PACS2: variants seen among roughly 807,000 people sequenced by gnomAD.
PACS2 encodes phosphofurin acidic cluster sorting protein 2, also known as PACS1-like protein.
PACS2 carries 36 observed loss-of-function variants against 113.0 expected under a neutral mutation model. That is an observed-to-expected ratio of 0.32 (90% CI 0.24 to 0.42). The LOEUF (loss-of-function observed/expected upper bound fraction) is 0.42. Ranked by LOEUF, PACS2 falls within the 10% of genes least tolerant of loss-of-function variation. The probability of loss-of-function intolerance (pLI) is 1.00; values close to 1 mark genes in which losing one functional copy is unlikely to be tolerated. For missense variants in PACS2, 1,015 were observed against 1,239.5 expected, an observed-to-expected ratio of 0.82 and a Z score of 2.72; for synonymous variants, 589 against 536.1, an observed-to-expected ratio of 1.10 and a Z score of -1.36.
chr14:105,352,188 C>T lies in PACS2; in HGVS notation c.208-190C>T, dbSNP rs587704490. 5.7e-4 allele frequency among the ~76,000 whole-genome samples: 87 copies of T among 152,230 alleles called. 2 individuals carry two copies. In the South Asian group the frequency reaches 0.017, roughly 29 times the overall value. The stretch of plus-strand genomic sequence containing the variant: ...AGGTGGAACCTGTGGGCCGAAGGGT[C>T]TCCATGTTTTTAAGGTTCTTGGGAA... On this transcript the variant is annotated intron_variant, in intron 2 of 24. Coordinates refer to ENST00000447393, the MANE Select transcript of PACS2 (RefSeq NM_001100913.3).
chr14:105,379,067 T>C lies in PACS2; in HGVS notation c.960-672T>C, dbSNP rs933959764. Among the ~76,000 whole-genome samples the C allele has an allele frequency of 4.6e-5, 7 of 151,410 alleles. No individual in the cohort carries two copies. The South Asian group carries it at 6.3e-4, about 14-fold the overall frequency. On this transcript the variant is annotated intron_variant, in intron 9 of 24. Coordinates refer to ENST00000447393, the MANE Select transcript of PACS2 (RefSeq NM_001100913.3). ...AGGGCCTGGGTGGTCCGGAAAGGCA[T>C]GGATGGCCTGGATCTGCCTGAGTGG...
intron 16 of PACS2, 100 bp from the exon 17 acceptor site, chr14:105,384,253 G>A: frequency 3.0e-6 from 2 of 671,426 alleles, no homozygotes; most frequent in Non-Finnish European, 5.2e-6. Context: ...GAAGGCAGCA[G>A]CACAGGCCTG....
intron 1 of PACS2, among the ~76,000 whole-genome samples, chr14:105,337,212 G>A (rs2059561248): frequency 6.6e-6 from 1 of 152,234 alleles, no homozygotes; most frequent in East Asian, 1.9e-4. Context: ...ATTTGTGTCA[G>A]GTCCCTAGAG....
chr14:105,392,823 C>A lies in PACS2; in HGVS notation c.2460C>A (p.Val820=). The change falls in exon 23 of 25, where the codon GTC becomes GTA. Residue 820 remains valine, a synonymous_variant. Coordinates refer to ENST00000447393, the MANE Select transcript of PACS2 (RefSeq NM_001100913.3). Reference sequence around the variant, plus strand: ...CGCCCACCATGTCCATGACCGTGGTCACCAAGGAGAAGAACAAGAAGGGTG... The same window carrying A: ...CGCCCACCATGTCCATGACCGTGGTAACCAAGGAGAAGAACAAGAAGGGTG... ...AATPTMSMTV[V]TKEKNKKVMF... is the part of the protein sequence containing the mutation. 1.2e-6 allele frequency: 2 copies of A among 1,605,236 alleles called. No individual in the cohort carries two copies. The highest frequency in any genetic ancestry group is 1.1e-5 in the South Asian group (1 of 91,020).
intron 1 of PACS2, among the ~76,000 whole-genome samples, chr14:105,346,287 C>G (rs1303482740): frequency 2.0e-5 from 3 of 152,098 alleles, no homozygotes; most frequent in African/African-American, 7.2e-5. Context: ...CGGGTTAGTC[C>G]TGTGCTGCTT....
chr14:105,354,480 C>A lies in PACS2; in HGVS notation c.298-572C>A, dbSNP rs2060353949. Among the ~76,000 whole-genome samples, 1 of 152,138 alleles carries A rather than the reference C, an allele frequency of 6.6e-6. No individual in the cohort carries two copies. Among genetic ancestry groups the A allele is most frequent in the African/African-American group, 2.4e-5 (1 of 41,420 alleles). ...CACCGCAGTTAGGGTGGTGAACAGC[C>A]CCATTTTCCCCTAAGTATTTAAACT... On this transcript the variant is annotated intron_variant, in intron 3 of 24. Transcript: ENST00000447393. This position sits in a 1 kb window ranked among gnomAD's most constrained non-coding sequence, Gnocchi z 4.2.
At chr14:105,345,338 C>T (rs942805041) in intron 1 of PACS2, among the ~76,000 whole-genome samples, 97 of 145,804 alleles carry the variant, frequency 6.7e-4, no homozygotes, top group African/African-American at 1.9e-3. Context: ...ACCCAGGAGG[C>T]GGAGCTTGCA....
intron 8 of PACS2, chr14:105,371,095 C>T (rs902196288): frequency 1.3e-5 from 2 of 152,258 alleles, no homozygotes; most frequent in Non-Finnish European, 1.5e-5. Context: ...CTTTGTGGCC[C>T]GGTGGGGCAG....
Position 105,369,873 on chromosome 14 carries a change from G to T in PACS2, c.774G>T (p.Leu258=). 6.2e-7 allele frequency: 1 copy of T among 1,604,556 alleles called. No individual in the cohort carries two copies. ...QQNFKQKVVA[L]LRRFKVSDEV... is the part of the protein sequence containing the mutation. Reference sequence around the variant, plus strand: ...ACTTCAAGCAGAAAGTGGTAGCGCTGCTGCGGAGGTTCAAAGTGTCCGACG... The same window carrying T: ...ACTTCAAGCAGAAAGTGGTAGCGCTTCTGCGGAGGTTCAAAGTGTCCGACG... The change falls in exon 8 of 25, where the codon CTG becomes CTT. Residue 258 remains leucine (L), a synonymous_variant. Coordinates refer to ENST00000447393, the MANE Select transcript of PACS2 (RefSeq NM_001100913.3).
At chr14:105,349,117 C>T (rs2060054252) in intron 2 of PACS2, among the ~76,000 whole-genome samples, 1 of 151,398 alleles carries the variant, frequency 6.6e-6, no homozygotes, top group Non-Finnish European at 1.5e-5. Context: ...CTGGCCCAGG[C>T]CCCGCCCCCT....
At position 105,376,574 on chromosome 14, in the gene PACS2, C is replaced by T. The variant is rs78792842; in HGVS notation, c.802-194C>T. On this transcript the variant is annotated intron_variant, in intron 8 of 24. Coordinates refer to ENST00000447393, the MANE Select transcript of PACS2 (RefSeq NM_001100913.3). The surrounding 1 kb of genome is among the most constrained non-coding windows in gnomAD (Gnocchi z 4.7). ...TGGAGGAATGCCACACGCACCGGTA[C>T]CTGGGGACCGGGGGTCCTCGGTGAT... 3.5e-3 allele frequency among the ~76,000 whole-genome samples: 529 copies of T among 152,218 alleles called. 2 individuals are homozygous for T. Among genetic ancestry groups the T allele is most frequent in the African/African-American group, 0.012 (502 of 41,532 alleles).
rs949206557 is a variant in PACS2 at position 105,348,089 on chromosome 14, G to C, written c.120-404G>C. ...GGCAGGATTTGGGGCGGCTGGGCCT[G>C]GGGCTGGATAGGGCCGCGGGAGAGG... On this transcript the variant is annotated intron_variant, in intron 1 of 24. Coordinates refer to ENST00000447393, the MANE Select transcript of PACS2 (RefSeq NM_001100913.3). This position sits in a 1 kb window ranked among gnomAD's most constrained non-coding sequence, Gnocchi z 6.4. Among the ~76,000 whole-genome samples, 1 of 152,194 alleles carries C rather than the reference G, an allele frequency of 6.6e-6. No homozygotes were observed. Among genetic ancestry groups the C allele is most frequent in the African/African-American group, 2.4e-5 (1 of 41,452 alleles).
chr14:105,339,966 A>G (rs781961127), intron 1 of PACS2, among the ~76,000 whole-genome samples: 14 of 152,030 alleles, frequency 9.2e-5, no homozygotes, highest in Non-Finnish European at 1.6e-4. Flanking sequence ...TTTTGTAGAG[A>G]TGGGGTTTCA....
intron 8 of PACS2, among the ~76,000 whole-genome samples, chr14:105,374,173 TTGAAA>T (rs2061260459): frequency 6.8e-6 from 1 of 147,342 alleles, no homozygotes; most frequent in Non-Finnish European, 1.5e-5. Flanking sequence ...AAAAAAAAAC[TTGAAA>T]TGGATCAAAT....
intron 8 of PACS2, among the ~76,000 whole-genome samples, chr14:105,373,632 C>G (rs1483680218): frequency 6.6e-6 from 1 of 152,024 alleles, no homozygotes. Context: ...ACTAAAAATA[C>G]AAAAAATTGG....
Position 105,392,930 on chromosome 14 carries a change from G to T in PACS2, c.2482+85G>T, listed in dbSNP as rs1435923536. ...CGGCTCGCAGTCAACAGGGATGACA[G>T]CCCCCGGGCTGGCCTCGGGCAGCCC... On this transcript the variant is annotated intron_variant, in intron 23 of 24. Coordinates refer to ENST00000447393, the MANE Select transcript of PACS2 (RefSeq NM_001100913.3). 3.5e-6 allele frequency: 4 copies of T among 1,141,178 alleles called. No homozygotes were observed. The African/African-American group carries it at 6.1e-5, about 17-fold the overall frequency. 70.7% of individuals were successfully genotyped at this position (1,141,178 alleles called of 1,614,324 possible). A position where few individuals can be genotyped will look rare whatever the true frequency, so the allele number is the denominator to read the frequency against.
chr14:105,337,441 G>A (rs1163329648), intron 1 of PACS2, among the ~76,000 whole-genome samples: 4 of 152,228 alleles, frequency 2.6e-5, no homozygotes, highest in African/African-American at 7.2e-5. Flanking sequence ...CAAGTTTTAC[G>A]TTATATTTAC....
rs587719705 is a variant in PACS2, at chr14:105,365,664, C to T, written c.424-1549C>T. On this transcript the variant is annotated intron_variant, in intron 4 of 24. Transcript: ENST00000447393. The surrounding 1 kb of genome is among the most constrained non-coding windows in gnomAD (Gnocchi z 5.1). ...CACCTGAGCCCCACCTTGATTCCTC[C>T]GGGACCCCAGCCCGGCAGCCCCCTC... Among the ~76,000 whole-genome samples the T allele has an allele frequency of 5.7e-4, 87 of 152,280 alleles. 1 individual carries two copies. The highest frequency in any genetic ancestry group is 1.2e-3 in the South Asian group (6 of 4,828).
At chr14:105,383,834 G>A in intron 16 of PACS2, 1 of 371,684 alleles carries the variant, frequency 2.7e-6, no homozygotes, top group Non-Finnish European at 4.9e-6. Context: ...ATCAGTCGCT[G>A]TGATAACTCT....
Sources: allele counts gnomAD v4.1 joint callset (sites outside exome capture counted in the v4.1 genomes callset), GRCh38; gene constraint gnomAD v4.1.1; non-coding constraint Gnocchi (gnomAD v3.1); transcripts MANE v1.5; gene names NCBI Gene and HGNC (gene_info 2026-07-23, HGNC 2026-07-21).